The following MCTP1 variants were observed in gnomAD, a reference collection of about 807,000 sequenced individuals.
MCTP1 encodes multiple C2 and transmembrane domain-containing protein 1.
MCTP1 carries 69 observed loss-of-function variants against 120.6 expected under a neutral mutation model. That is an observed-to-expected ratio of 0.57 (90% CI 0.47 to 0.70). The LOEUF is 0.70. MCTP1 is among the 30% of genes least tolerant of loss of function. The probability of loss-of-function intolerance (pLI) is 0.00; values close to 1 mark genes in which losing one functional copy is unlikely to be tolerated. For synonymous variants in MCTP1, 529 were observed against 493.1 expected (o/e 1.07, Z -0.96); for missense variants, 1,203 against 1,248.8 (o/e 0.96, Z 0.55).
At chr5:94,862,749 T>C (rs1369423579) in intron 17 of MCTP1, among the ~76,000 whole-genome samples, 1 of 151,796 alleles carries the variant, frequency 6.6e-6, no homozygotes, top group Non-Finnish European at 1.5e-5. Context: ...TAATTTACAA[T>C]TTTTCATGTA....
intron 1 of MCTP1, among the ~76,000 whole-genome samples, chr5:95,042,383 C>T (rs1842499808): frequency 6.6e-6 from 1 of 152,132 alleles, no homozygotes; most frequent in African/African-American, 2.4e-5. Flanking sequence ...TACCAGAAAA[C>T]AGCGGAAGAT....
chr5:94,708,287 C>T (rs1385971284), intron 22 of MCTP1: 3 of 343,270 alleles, frequency 8.7e-6, no homozygotes, highest in Non-Finnish European at 1.6e-5. Flanking sequence ...CCTGACAGCT[C>T]TGGTAGGTTC....
intron 19 of MCTP1, among the ~76,000 whole-genome samples, chr5:94,740,586 T>C (rs1458607086): frequency 1.3e-5 from 2 of 152,164 alleles, no homozygotes; most frequent in East Asian, 3.8e-4. Flanking sequence ...GGCTGTTGGA[T>C]TTCATAATTT....
chr5:94,716,435 C>T (rs1759390004), intron 19 of MCTP1, among the ~76,000 whole-genome samples: 1 of 151,834 alleles, frequency 6.6e-6, no homozygotes, highest in South Asian at 2.1e-4. Flanking sequence ...CAATTGTGCA[C>T]GTTAGAGTAA....
chr5:94,983,378 T>C (rs1021518679), intron 2 of MCTP1, among the ~76,000 whole-genome samples: 2 of 152,216 alleles, frequency 1.3e-5, no homozygotes, highest in East Asian at 1.9e-4. Flanking sequence ...TTGAAGACTA[T>C]ATTTATGGTG....
chr5:95,165,957 G>C lies in MCTP1; in HGVS notation c.720+117899C>G, dbSNP rs1746290750. Among the ~76,000 whole-genome samples, 3 of 152,082 alleles carry C rather than the reference G, an allele frequency of 2.0e-5. No homozygotes were observed. In the South Asian group the frequency reaches 6.2e-4, roughly 32 times the overall value. On this transcript the variant is annotated intron_variant, in intron 1 of 22. Coordinates refer to ENST00000515393, the MANE Select transcript of MCTP1 (RefSeq NM_024717.7). The stretch of plus-strand genomic sequence containing the variant: ...GTAATATTCCTTCCCTTTGTAGCTG[G>C]GCTCTTGATCAAGGTCTCCATAACC...
intron 1 of MCTP1, among the ~76,000 whole-genome samples, chr5:95,206,505 G>A (rs1751634662): frequency 1.3e-5 from 2 of 152,244 alleles, no homozygotes; most frequent in African/African-American, 4.8e-5. Context: ...TGACATTTTA[G>A]AGACAGGACA....
At chr5:94,953,886 T>C (rs1380609704) in intron 2 of MCTP1, among the ~76,000 whole-genome samples, 1 of 103,234 alleles carries the variant, frequency 9.7e-6, no homozygotes, top group South Asian at 2.9e-4. Context: ...TATATGCATA[T>C]ATATACAAAT....
At chr5:94,900,245 A>T (rs1805154473) in intron 10 of MCTP1, among the ~76,000 whole-genome samples, 1 of 152,208 alleles carries the variant, frequency 6.6e-6, no homozygotes, top group African/African-American at 2.4e-5. Flanking sequence ...TTGCATGGCT[A>T]ATTTTTTACC....
chr5:94,786,074 A>G (rs1014382421), intron 18 of MCTP1, among the ~76,000 whole-genome samples: 4 of 152,152 alleles, frequency 2.6e-5, no homozygotes, highest in Non-Finnish European at 5.9e-5. Flanking sequence ...AAACAACAAC[A>G]ACAAAAAATT....
intron 1 of MCTP1, chr5:95,038,068 C>T (rs996242185): frequency 1.3e-5 from 12 of 948,938 alleles, no homozygotes; most frequent in African/African-American, 1.1e-4. Context: ...ACAAAACTCA[C>T]GTGTATTTTA....
intron 1 of MCTP1, among the ~76,000 whole-genome samples, chr5:95,131,486 A>C (rs886727248): frequency 7.2e-5 from 11 of 152,198 alleles, no homozygotes; most frequent in African/African-American, 2.7e-4. Context: ...AAAACTATTT[A>C]GTGTACAAGG....
intron 1 of MCTP1, among the ~76,000 whole-genome samples, chr5:95,204,077 A>C (rs1751361601): frequency 6.6e-6 from 1 of 152,136 alleles, no homozygotes; most frequent in Non-Finnish European, 1.5e-5. Context: ...GAATGGAATA[A>C]TCTGTGGGGG....
intron 5 of MCTP1, among the ~76,000 whole-genome samples, chr5:94,938,465 C>G (rs768468913): frequency 4.3e-4 from 65 of 152,190 alleles, no homozygotes; most frequent in Non-Finnish European, 7.6e-4. Flanking sequence ...CACCTCCTCT[C>G]TTTCTTGTTT....
intron 1 of MCTP1, among the ~76,000 whole-genome samples, chr5:95,263,264 G>T (rs548168704): frequency 2.0e-5 from 3 of 152,172 alleles, no homozygotes; most frequent in Non-Finnish European, 4.4e-5. Flanking sequence ...GGGACAGGAC[G>T]GTGGCAGAGG....
chr5:95,182,392 C>T (rs942280407), intron 1 of MCTP1, among the ~76,000 whole-genome samples: 1 of 152,112 alleles, frequency 6.6e-6, no homozygotes, highest in African/African-American at 2.4e-5. Context: ...AGAAGGCAAG[C>T]GCTGTTCAAA....
chr5:94,904,090 C>T (rs1404022655), intron 10 of MCTP1, among the ~76,000 whole-genome samples: 2 of 152,180 alleles, frequency 1.3e-5, no homozygotes, highest in Non-Finnish European at 2.9e-5. Context: ...ATTATTTCAC[C>T]TTCACTTGAA....
At chr5:95,111,682 A>G (rs1442119800) in intron 1 of MCTP1, among the ~76,000 whole-genome samples, 3 of 152,204 alleles carry the variant, frequency 2.0e-5, no homozygotes, top group Non-Finnish European at 4.4e-5. Flanking sequence ...TACAATTATT[A>G]TCTTGGAGAA....
intron 1 of MCTP1, among the ~76,000 whole-genome samples, chr5:95,206,335 G>A (rs962775685): frequency 1.3e-5 from 2 of 152,118 alleles, no homozygotes; most frequent in African/African-American, 2.4e-5. Flanking sequence ...ACAGATTAGT[G>A]GTTGCCTAGG....
Sources: allele counts gnomAD v4.1 joint callset (sites outside exome capture counted in the v4.1 genomes callset), GRCh38; gene constraint gnomAD v4.1.1; transcripts MANE v1.5; gene names NCBI Gene and HGNC (gene_info 2026-07-23, HGNC 2026-07-21).